The following PLCG2 variants were observed in gnomAD, a reference collection of about 807,000 sequenced individuals.
PLCG2 encodes 1-phosphatidylinositol 4,5-bisphosphate phosphodiesterase gamma-2.
In PLCG2, 69 loss-of-function variants were observed where a neutral mutation model predicts 175.6. The observed-to-expected ratio is 0.39, with a 90% confidence interval of 0.32 to 0.48. The LOEUF (loss-of-function observed/expected upper bound fraction) is 0.48. Among genes scored for constraint, PLCG2 ranks in the 20% least tolerant of loss-of-function variants. The probability of loss-of-function intolerance (pLI) is 0.91; values close to 1 mark genes in which losing one functional copy is unlikely to be tolerated. For missense variants in PLCG2, 1,798 were observed against 1,650.9 expected (o/e 1.09, Z -1.54); for synonymous variants, 827 against 624.0 (o/e 1.33, Z -4.85).
upstream of PLCG2, among the ~76,000 whole-genome samples, chr16:81,778,880 C>G (rs955857738): frequency 3.3e-5 from 5 of 152,226 alleles, no homozygotes; most frequent in African/African-American, 9.6e-5. Context: ...ATTGCTGTCT[C>G]GAACTCTCGA....
intron 27 of PLCG2, 41 bp downstream of exon 27, chr16:81,936,419 C>A (rs373713852): frequency 6.5e-7 from 1 of 1,534,248 alleles, no homozygotes; most frequent in Non-Finnish European, 9.0e-7. Flanking sequence ...TGCAAGGTGG[C>A]GGTTGCAGTC....
intron 27 of PLCG2, among the ~76,000 whole-genome samples, chr16:81,937,035 T>A (rs536940772): frequency 6.6e-6 from 1 of 152,198 alleles, no homozygotes; most frequent in African/African-American, 2.4e-5. Context: ...TAGGAATATG[T>A]CTATGGGACA....
intron 30 of PLCG2, among the ~76,000 whole-genome samples, chr16:81,940,303 T>C (rs1296195215): frequency 6.6e-6 from 1 of 152,182 alleles, no homozygotes; most frequent in Non-Finnish European, 1.5e-5. Flanking sequence ...GGATTGTTAG[T>C]GGATCCTCAA....
chr16:81,886,395 G>A (rs1597108043), intron 9 of PLCG2, among the ~76,000 whole-genome samples: 1 of 152,218 alleles, frequency 6.6e-6, no homozygotes, highest in African/African-American at 2.4e-5. Context: ...GCAGCACTTT[G>A]TGTGCAAATT....
intron 7 of PLCG2, among the ~76,000 whole-genome samples, chr16:81,875,114 C>G (rs1409213615): frequency 6.6e-6 from 1 of 151,978 alleles, no homozygotes; most frequent in Non-Finnish European, 1.5e-5. Flanking sequence ...CAGGCATGCA[C>G]CATCACGCCT....
intron 21 of PLCG2, chr16:81,921,704 G>A (rs189007316): frequency 1.9e-5 from 5 of 257,018 alleles, no homozygotes; most frequent in East Asian, 2.2e-4. Flanking sequence ...TTCAGCCCTC[G>A]GCTCCTCCTT....
chr16:81,927,521 T>C (rs191194754), intron 23 of PLCG2, among the ~76,000 whole-genome samples: 80 of 152,286 alleles, frequency 5.3e-4, no homozygotes, highest in South Asian at 2.1e-4. Context: ...CAGCCAGACA[T>C]TGAGAACGTG....
chr16:81,934,425 A>G lies in PLCG2; in HGVS notation c.2740-4A>G, dbSNP rs1910626706. The G allele has an allele frequency of 2.5e-6, 4 of 1,597,798 alleles. No homozygotes were observed. Among genetic ancestry groups the G allele is most frequent in the South Asian group, 1.1e-5 (1 of 90,608 alleles). ...GGGCACTAAAGACAGTGAACTCCAA[A>G]CAGGAGAACAACATGAAGTACTGGG... On this transcript the variant is annotated splice_region_variant and splice_polypyrimidine_tract_variant and intron_variant, in intron 25 of 32. Coordinates refer to ENST00000564138, the MANE Select transcript of PLCG2 (RefSeq NM_002661.5).
At chr16:81,957,167 T>C (rs1911607745) in intron 32 of PLCG2, among the ~76,000 whole-genome samples, 1 of 152,026 alleles carries the variant, frequency 6.6e-6, no homozygotes, top group Admixed American at 6.5e-5. Flanking sequence ...GGCATGGTCG[T>C]GGGCGCCTGT....
intron 8 of PLCG2, among the ~76,000 whole-genome samples, chr16:81,882,930 C>T (rs895306156): frequency 6.6e-6 from 1 of 151,974 alleles, no homozygotes; most frequent in Non-Finnish European, 1.5e-5. Context: ...TCTTGCTACA[C>T]TGTATCCCAT....
At chr16:81,880,259 G>A (rs896360832) in intron 7 of PLCG2, among the ~76,000 whole-genome samples, 1 of 152,142 alleles carries the variant, frequency 6.6e-6, no homozygotes, top group African/African-American at 2.4e-5. Context: ...TGGCAGTGAG[G>A]ATATAGAAAA....
chr16:81,785,904 G>A lies in PLCG2; in HGVS notation c.-47-39G>A, dbSNP rs1278296905. The A allele has an allele frequency of 7.9e-6, 10 of 1,264,028 alleles. No individual in the cohort carries two copies. In the South Asian group the frequency reaches 9.6e-5, roughly 12 times the overall value. 78.3% of individuals were successfully genotyped at this position (1,264,028 alleles called of 1,614,324 possible). On this transcript the variant is annotated intron_variant, in intron 1 of 32. Transcript: ENST00000564138. ...TGCCCTGTTAACTAAACCCCTTTCAGTACTAAAATCAGTTCACTCTTTAAT... is the reference window on the plus strand; with the variant it reads ...TGCCCTGTTAACTAAACCCCTTTCAATACTAAAATCAGTTCACTCTTTAAT...
chr16:81,824,539 G>T (rs762826195), intron 2 of PLCG2, among the ~76,000 whole-genome samples: 1 of 152,196 alleles, frequency 6.6e-6, no homozygotes, highest in Admixed American at 6.5e-5. Flanking sequence ...GGCACTTTTC[G>T]TTGGGATCAT....
At chr16:81,816,174 C>T (rs1419688730) in intron 2 of PLCG2, among the ~76,000 whole-genome samples, 1 of 152,076 alleles carries the variant, frequency 6.6e-6, no homozygotes, top group African/African-American at 2.4e-5. Context: ...AGTTCGAGAC[C>T]AGCCTGGCCA....
rs186220920 is a variant in PLCG2 at position 81,918,183 on chromosome 16, G to A, written c.2055-1301G>A. Among the ~76,000 whole-genome samples the A allele has an allele frequency of 2.6e-4, 40 of 152,254 alleles. No homozygotes were observed. The East Asian group carries it at 6.9e-3, about 26-fold the overall frequency. On this transcript the variant is annotated intron_variant, in intron 19 of 32. Transcript: ENST00000564138. ...CTCTGTTGATTCTTTCCTTGGCTAT[G>A]TAGAAGCCTCTTAGTTTGATAAAAT...
chr16:81,952,067 T>G (rs1036677054), intron 31 of PLCG2, among the ~76,000 whole-genome samples: 1 of 152,182 alleles, frequency 6.6e-6, no homozygotes, highest in Admixed American at 6.5e-5. Context: ...GACATCCCAT[T>G]TGTGATACTG....
At chr16:81,768,124 C>T (rs148958537) in intron 2 of PLCG2, among the ~76,000 whole-genome samples, 99 of 152,236 alleles carry the variant, frequency 6.5e-4, no homozygotes, top group African/African-American at 2.3e-3. Flanking sequence ...TTCTGACCCA[C>T]CTCGGCCTCC....
chr16:81,821,167 C>T (rs893837000), intron 2 of PLCG2, among the ~76,000 whole-genome samples: 3 of 152,270 alleles, frequency 2.0e-5, no homozygotes, highest in African/African-American at 7.2e-5. Flanking sequence ...GCTGGGATTA[C>T]AGGCGTGCGT....
At position 81,910,697 on chromosome 16, in the gene PLCG2, C is replaced by T. The variant is rs761474290; in HGVS notation, c.1911C>T (p.Asn637=). The T allele has an allele frequency of 2.5e-6, 4 of 1,610,836 alleles. No homozygotes were observed. The highest frequency in any genetic ancestry group is 2.2e-5 in the South Asian group (2 of 91,082). ...TGCGGCTCACGGACCCTGTGCCCAA[C>T]CCCAACCCCCACGAGTCCAAGCCGT... is the stretch of plus-strand genomic sequence containing the variant. ...FELRLTDPVP[N]PNPHESKPWY... Residue 637 remains asparagine (N), a synonymous_variant, in exon 18 of 33, where the codon AAC becomes AAT. Coordinates refer to ENST00000564138, the MANE Select transcript of PLCG2 (RefSeq NM_002661.5).
Sources: gnomAD v4.1 joint callset for allele counts (sites outside exome capture counted in the v4.1 genomes callset) on GRCh38, gnomAD v4.1.1 for gene constraint, MANE v1.5 for transcripts, NCBI Gene and HGNC (gene_info 2026-07-23, HGNC 2026-07-21) for gene names.